LRFN2: variants seen among roughly 807,000 people sequenced by gnomAD.
LRFN2 encodes the protein leucine rich repeat and fibronectin type III domain containing 2.
LRFN2 carries 18 observed loss-of-function variants against 37.3 expected under a neutral mutation model. The observed-to-expected ratio is 0.48, with a 90% CI of 0.33 to 0.72. LRFN2 has a LOEUF of 0.72. Ranked by LOEUF, LRFN2 falls within the 30% of genes least tolerant of loss-of-function variation. The probability of loss-of-function intolerance (pLI) is 0.02; values close to 1 mark genes in which losing one functional copy is unlikely to be tolerated. For missense variants in LRFN2, 1,006 were observed against 1,060.7 expected (o/e 0.95, Z 0.72); for synonymous variants, 556 against 466.6 (o/e 1.19, Z -2.47).
chr6:40,449,456 A>G (rs1467610780), intron 1 of LRFN2, among the ~76,000 whole-genome samples: 4 of 152,230 alleles, frequency 2.6e-5, no homozygotes, highest in Non-Finnish European at 2.9e-5. Context: ...GTAAATGTCT[A>G]CTATGTGATG....
At position 40,392,213 on chromosome 6, in the gene LRFN2, C is replaced by T. The variant is rs530499291; in HGVS notation, c.2100G>A (p.Gly700=). The T allele has an allele frequency of 6.4e-5, 100 of 1,570,438 alleles. 2 individuals carry two copies. In the South Asian group the frequency reaches 9.6e-4, roughly 15 times the overall value. Residue 700 remains glycine (G), a synonymous_variant, in exon 3 of 3, where the codon GGG becomes GGA. Transcript: ENST00000338305. This position sits in a 1 kb window ranked among gnomAD's most constrained non-coding sequence, Gnocchi z 4.7. ...GGCTCCTGGCCCGGGCCGCAGGGGGCCCCAGCAGTGGCTCTCGGTCCGAGT... is the reference window on the plus strand; with the variant it reads ...GGCTCCTGGCCCGGGCCGCAGGGGGTCCCAGCAGTGGCTCTCGGTCCGAGT... The part of the protein sequence containing the change: ...GHHSDREPLL[G]PPAARARSLL...
At chr6:40,431,559 C>T (rs1362519650) in intron 2 of LRFN2, among the ~76,000 whole-genome samples, 155 bp downstream of exon 2, 1 of 152,204 alleles carries the variant, frequency 6.6e-6, no homozygotes, top group Non-Finnish European at 1.5e-5. Context: ...TTTTTATCTC[C>T]TCTTACCTGC....
intron 1 of LRFN2, among the ~76,000 whole-genome samples, chr6:40,440,196 T>C (rs946498798): frequency 7.9e-5 from 12 of 152,218 alleles, no homozygotes; most frequent in African/African-American, 2.7e-4. Flanking sequence ...AGGCTCTTTT[T>C]AAACTTCTAT....
intron 1 of LRFN2, among the ~76,000 whole-genome samples, chr6:40,504,459 C>G (rs192770119): frequency 6.6e-6 from 1 of 152,174 alleles, no homozygotes; most frequent in Non-Finnish European, 1.5e-5. Flanking sequence ...AAAGTAACCA[C>G]TGTCATACTA....
At chr6:40,554,266 C>A (rs758033448) in intron 1 of LRFN2, among the ~76,000 whole-genome samples, 9 of 152,192 alleles carry the variant, frequency 5.9e-5, no homozygotes, top group Non-Finnish European at 1.2e-4. Context: ...ATTTATGAGA[C>A]CACCTCAGTT....
At chr6:40,526,742 T>C (rs895568986) in intron 1 of LRFN2, among the ~76,000 whole-genome samples, 88 of 152,290 alleles carry the variant, frequency 5.8e-4, no homozygotes, top group African/African-American at 1.7e-3. Flanking sequence ...CTGCATCTCT[T>C]GTCCCTGCAC....
chr6:40,551,945 T>C (rs1263049220), intron 1 of LRFN2, among the ~76,000 whole-genome samples: 3 of 152,086 alleles, frequency 2.0e-5, no homozygotes, highest in African/African-American at 7.2e-5. Flanking sequence ...TTGAGGAAAC[T>C]GAAGCCCAAA....
At chr6:40,482,922 C>T (rs114784232) in intron 1 of LRFN2, among the ~76,000 whole-genome samples, 2,365 of 152,318 alleles carry the variant, frequency 0.016, 28 homozygotes, top group Non-Finnish European at 0.021. Context: ...GCCTAAGGGG[C>T]TGTGCCCACG....
chr6:40,578,416 C>T (rs906523189), intron 1 of LRFN2, among the ~76,000 whole-genome samples: 2 of 152,182 alleles, frequency 1.3e-5, no homozygotes, highest in African/African-American at 4.8e-5. Context: ...ACAATGAAAA[C>T]CCCATCAGAC....
chr6:40,439,753 G>A (rs557322586), intron 1 of LRFN2, among the ~76,000 whole-genome samples: 1 of 152,320 alleles, frequency 6.6e-6, no homozygotes, highest in East Asian at 1.9e-4. Context: ...CTAGAATCTT[G>A]AGAAGAGGCA....
At chr6:40,526,824 C>T (rs1766263624) in intron 1 of LRFN2, among the ~76,000 whole-genome samples, 1 of 152,190 alleles carries the variant, frequency 6.6e-6, no homozygotes, top group South Asian at 2.1e-4. Flanking sequence ...AGTTTGAGAT[C>T]TGGGGAAGTG....
intron 1 of LRFN2, among the ~76,000 whole-genome samples, chr6:40,475,236 C>A (rs960261877): frequency 6.6e-6 from 1 of 152,112 alleles, no homozygotes; most frequent in Non-Finnish European, 1.5e-5. Context: ...ATTGATGCAG[C>A]GGTTCTGCTT....
At chr6:40,404,195 T>C (rs1255957773) in intron 2 of LRFN2, among the ~76,000 whole-genome samples, 1 of 152,232 alleles carries the variant, frequency 6.6e-6, no homozygotes, top group African/African-American at 2.4e-5. Flanking sequence ...GACAATATCA[T>C]TGATTTATTA....
rs766448532 is a variant in LRFN2, at chr6:40,431,969, A to T, written c.1145T>A (p.Leu382His). ...TGCAGTGCGGCTGGTGCTGTTGCTG[A>T]GGTGTGGCAGCTGGACGATGGAGAC... The part of the protein sequence containing the change: ...VEVSIVQLPH[L>H]SNSTSRTAPP... Residue 382 changes from leucine (L) to histidine (H), a missense_variant, in exon 2 of 3, where the codon CTC becomes CAC. Around this residue, in one of 4 missense-constraint regions of LRFN2, gnomAD observed 303 missense variants for 299.8 expected, o/e 1.01. Transcript: ENST00000338305. 1.9e-6 allele frequency: 3 copies of T among 1,613,400 alleles called. No individual in the cohort carries two copies.
At chr6:40,556,322 C>T (rs1198039127) in intron 1 of LRFN2, among the ~76,000 whole-genome samples, 1 of 152,236 alleles carries the variant, frequency 6.6e-6, no homozygotes, top group East Asian at 1.9e-4. Context: ...CTCTGACACC[C>T]TGACAGGCCC....
chr6:40,412,923 G>A (rs557894161), intron 2 of LRFN2, among the ~76,000 whole-genome samples: 10 of 152,304 alleles, frequency 6.6e-5, no homozygotes, highest in South Asian at 2.1e-4. Context: ...CTTTAAGTGG[G>A]TGGTCAGGCA....
chr6:40,482,298 T>A (rs1425671255), intron 1 of LRFN2, among the ~76,000 whole-genome samples: 1 of 152,122 alleles, frequency 6.6e-6, no homozygotes, highest in Non-Finnish European at 1.5e-5. Context: ...GGATGACAAG[T>A]CCCATAGAGG....
chr6:40,472,230 C>T (rs1217970768), intron 1 of LRFN2, among the ~76,000 whole-genome samples: 4 of 152,216 alleles, frequency 2.6e-5, no homozygotes, highest in African/African-American at 9.6e-5. Flanking sequence ...TCTTATTTGG[C>T]TTCCTCCCCA....
chr6:40,494,591 T>A (rs1765178808), intron 1 of LRFN2, among the ~76,000 whole-genome samples: 3 of 152,194 alleles, frequency 2.0e-5, no homozygotes, highest in Admixed American at 1.3e-4. Context: ...TTTCATATCC[T>A]GGCAGATTAC....
Sources: gnomAD v4.1 joint callset for allele counts (sites outside exome capture counted in the v4.1 genomes callset) on GRCh38, gnomAD v4.1.1 for gene constraint, gnomAD v4.1.1 regional missense constraint, Gnocchi (gnomAD v3.1) non-coding constraint, MANE v1.5 for transcripts, NCBI Gene and HGNC (gene_info 2026-07-23, HGNC 2026-07-21) for gene names.